FOXN3: variants seen among roughly 807,000 people sequenced by gnomAD.
FOXN3 encodes forkhead box protein N3.
In FOXN3, 7 loss-of-function variants were observed where a neutral mutation model predicts 38.4. The observed-to-expected ratio is 0.18, with a 90% CI of 0.10 to 0.34. The LOEUF is 0.34. Ranked by LOEUF, FOXN3 falls within the 10% of genes least tolerant of loss-of-function variation. The pLI is 1.00. For missense variants in FOXN3, 456 were observed against 613.4 expected (o/e 0.74, Z 2.71); for synonymous variants, 230 against 242.2 (o/e 0.95, Z 0.47).
chr14:89,220,862 C>T (rs1286244876), intron 4 of FOXN3, among the ~76,000 whole-genome samples: 1 of 152,098 alleles, frequency 6.6e-6, no homozygotes, highest in African/African-American at 2.4e-5. Context: ...TTCTACTACA[C>T]AGGCTAACGT....
intron 1 of FOXN3, among the ~76,000 whole-genome samples, chr14:89,571,425 C>T (rs961260560): frequency 2.0e-5 from 3 of 151,466 alleles, no homozygotes; most frequent in Admixed American, 2.0e-4. Context: ...AGGAGAATTG[C>T]TTGAACCTGG....
intron 4 of FOXN3, among the ~76,000 whole-genome samples, chr14:89,222,366 T>G (rs73321293): frequency 0.019 from 2,830 of 152,266 alleles, 86 homozygotes; most frequent in African/African-American, 0.064. Flanking sequence ...CCACAGAGTT[T>G]CAAGGTCTTT....
intron 1 of FOXN3, among the ~76,000 whole-genome samples, chr14:89,610,350 G>A (rs900250796): frequency 2.0e-5 from 3 of 152,226 alleles, no homozygotes; most frequent in East Asian, 3.9e-4. Flanking sequence ...CCTGAGAGCA[G>A]TCTTCAACCC....
rs1418870223 is a variant in FOXN3 at position 89,563,118 on chromosome 14, C to CAGTCCTA, written c.-15+55903_-15+55909dup. On this transcript the variant is annotated intron_variant, in intron 1 of 6. Coordinates refer to the FOXN3 transcript ENST00000345097. ...ACAAACTCTGTCTTAAAGGGGCTTA[C>CAGTCCTA]AGTCCTATCTGCAAAGAATTGACAA... is the stretch of plus-strand genomic sequence containing the variant. Among the ~76,000 whole-genome samples, 7 of 152,314 alleles carry CAGTCCTA rather than the reference C, an allele frequency of 4.6e-5. No homozygotes were observed. The South Asian group carries it at 1.5e-3, about 32-fold the overall frequency.
intron 1 of FOXN3, among the ~76,000 whole-genome samples, chr14:89,424,617 C>A (rs113625432): frequency 5.9e-4 from 90 of 151,918 alleles, no homozygotes; most frequent in African/African-American, 2.0e-3. Flanking sequence ...GTGGCTCACA[C>A]CTATAATCTT....
intron 1 of FOXN3, among the ~76,000 whole-genome samples, chr14:89,482,965 T>C (rs1439097535): frequency 6.6e-6 from 1 of 151,192 alleles, no homozygotes; most frequent in Non-Finnish European, 1.5e-5. Flanking sequence ...CCCAGCACTT[T>C]GGGAGACCAA....
intron 1 of FOXN3, among the ~76,000 whole-genome samples, chr14:89,466,888 A>C (rs1359021427): frequency 6.6e-6 from 1 of 152,214 alleles, no homozygotes; most frequent in African/African-American, 2.4e-5. Context: ...TTACTGAAAA[A>C]GTAAGGCAGA....
At position 89,548,877 on chromosome 14, in the gene FOXN3, T is replaced by C. The variant is rs909293116; in HGVS notation, c.-15+70151A>G. 1.3e-5 allele frequency among the ~76,000 whole-genome samples: 2 copies of C among 152,064 alleles called. No homozygotes were observed. Among genetic ancestry groups the C allele is most frequent in the Non-Finnish European group, 2.9e-5 (2 of 68,002 alleles). ...CTCACGCCTGTAATCCCAGCACTTTTGGAGGCCAAGGCAGGTGGATCACCT... is the reference window on the plus strand; with the variant it reads ...CTCACGCCTGTAATCCCAGCACTTTCGGAGGCCAAGGCAGGTGGATCACCT... On this transcript the variant is annotated intron_variant, in intron 1 of 6. Transcript: ENST00000345097. The surrounding 1 kb of genome is among the most constrained non-coding windows in gnomAD (Gnocchi z 4.8).
intron 4 of FOXN3, among the ~76,000 whole-genome samples, chr14:89,189,683 T>C (rs1887896687): frequency 6.6e-6 from 1 of 152,190 alleles, no homozygotes; most frequent in South Asian, 2.1e-4. Context: ...TCTAAAACCA[T>C]GGTAGACTAT....
At chr14:89,165,607 T>C (rs1040145302) in intron 5 of FOXN3, among the ~76,000 whole-genome samples, 1 of 152,222 alleles carries the variant, frequency 6.6e-6, no homozygotes, top group East Asian at 1.9e-4. Context: ...GCAGACTTCC[T>C]ATTTCTTGGC....
chr14:89,565,272 C>A (rs1010236162), intron 1 of FOXN3, among the ~76,000 whole-genome samples: 2 of 152,080 alleles, frequency 1.3e-5, no homozygotes, highest in African/African-American at 2.4e-5. Context: ...CCTCCTGGAG[C>A]CTTCAGGCTG....
intron 1 of FOXN3, among the ~76,000 whole-genome samples, chr14:89,501,225 A>T (rs765717500): frequency 2.6e-5 from 4 of 152,216 alleles, no homozygotes; most frequent in African/African-American, 7.2e-5. Context: ...GTCACTAGAA[A>T]TGTGCACGAT....
Position 89,372,202 on chromosome 14 carries a change from G to GA in FOXN3, c.544-21395dup, listed in dbSNP as rs998785252. Among the ~76,000 whole-genome samples the GA allele has an allele frequency of 9.3e-5, 14 of 150,102 alleles. No homozygotes were observed. In the East Asian group the frequency reaches 1.2e-3, roughly 13 times the overall value. On this transcript the variant is annotated intron_variant, in intron 2 of 5. Coordinates refer to ENST00000557258, the MANE Select transcript of FOXN3 (RefSeq NM_005197.4). The stretch of plus-strand genomic sequence containing the variant: ...GTCATAAAGGATAGCAATCAGGCAG[G>GA]AAAAAAAAATATGCCACCGAAACTA...
chr14:89,565,118 AG>A (rs1452877253), intron 1 of FOXN3, among the ~76,000 whole-genome samples: 6 of 141,200 alleles, frequency 4.2e-5, no homozygotes, highest in African/African-American at 1.6e-4. Flanking sequence ...AAAAAAAAAA[AG>A]GAGAAGAGAT....
In FOXN3 at chr14:89,318,229, G is replaced by A. The variant is rs564069629; in HGVS notation, c.680+32443C>T. ...GCTGGAGTGCAATGGCGTGATCTCAGCTCACTGCAACCTCCACCTGCCAGA... is the reference window on the plus strand; with the variant it reads ...GCTGGAGTGCAATGGCGTGATCTCAACTCACTGCAACCTCCACCTGCCAGA... On this transcript the variant is annotated intron_variant, in intron 3 of 5. Coordinates refer to ENST00000557258, the MANE Select transcript of FOXN3 (RefSeq NM_005197.4). 4.9e-4 allele frequency among the ~76,000 whole-genome samples: 70 copies of A among 143,994 alleles called. No individual in the cohort carries two copies. The South Asian group carries it at 6.5e-3, about 13-fold the overall frequency. The allele number at this position is 143,994 out of a possible 152,430, so 94.5% of individuals were successfully genotyped here.
intron 1 of FOXN3, among the ~76,000 whole-genome samples, chr14:89,504,208 C>T (rs1161605504): frequency 6.6e-6 from 1 of 152,220 alleles, no homozygotes; most frequent in African/African-American, 2.4e-5. Flanking sequence ...CACGTGCATT[C>T]AGGGGACACC....
chr14:89,557,755 C>T (rs1185348819), intron 1 of FOXN3, among the ~76,000 whole-genome samples: 3 of 152,168 alleles, frequency 2.0e-5, no homozygotes, highest in African/African-American at 7.2e-5. Context: ...ACTGTAATCC[C>T]AGCACTTCAG....
chr14:89,160,211 A>ACCCCCCCCCCC lies in FOXN3; in HGVS notation c.*2202_*2203insGGGGGGGGGGG, dbSNP rs1887065223. The ACCCCCCCCCCC allele has an allele frequency of 7.8e-6, 1 of 128,254 alleles. No individual in the cohort carries two copies. The highest frequency in any genetic ancestry group is 1.7e-5 in the Non-Finnish European group (1 of 59,364). The allele number at this position is 128,254 out of a possible 1,614,324, so 7.9% of individuals were successfully genotyped here. A position where few individuals can be genotyped will look rare whatever the true frequency, so the allele number is the denominator to read the frequency against. On this transcript the variant is annotated 3_prime_UTR_variant, in exon 6 of 6. Transcript: ENST00000557258. ...TATTCTTTTAGAGATTTCTCTTTGT[A>ACCCCCCCCCCC]CCCCCGCCCCCCGCCCCCGCCATTA...
At chr14:89,360,751 C>CCACCACCACCTCCAG (rs1566966394) in intron 2 of FOXN3, among the ~76,000 whole-genome samples, 5 of 85,910 alleles carry the variant, frequency 5.8e-5, no homozygotes, top group African/African-American at 2.6e-4. Context: ...ACCACCTCCA[C>CCACCACCACCTCCAG]CACCACCTCC....
Sources: gnomAD v4.1 joint callset for allele counts (sites outside exome capture counted in the v4.1 genomes callset) on GRCh38, gnomAD v4.1.1 for gene constraint, Gnocchi (gnomAD v3.1) non-coding constraint, MANE v1.5 for transcripts, NCBI Gene and HGNC (gene_info 2026-07-23, HGNC 2026-07-21) for gene names.